Variants in HS3ST5 observed in about 807,000 individuals in gnomAD.
HS3ST5 encodes the protein heparan sulfate-glucosamine 3-sulfotransferase 5.
HS3ST5 carries 10 observed loss-of-function variants against 25.4 expected under a neutral mutation model. That is an observed-to-expected ratio of 0.39 (90% CI 0.24 to 0.67). The LOEUF (loss-of-function observed/expected upper bound fraction) is 0.67, where lower values mean the gene tolerates loss of function less well. HS3ST5 is among the 30% of genes least tolerant of loss of function. HS3ST5 has a pLI of 0.44. For missense variants in HS3ST5, 324 were observed against 420.7 expected, an observed-to-expected ratio of 0.77 and a Z score of 2.01; for synonymous variants, 170 against 162.4, an observed-to-expected ratio of 1.05 and a Z score of -0.36.
chr6:114,278,337 T>G (rs866206788), intron 1 of HS3ST5, among the ~76,000 whole-genome samples: 1 of 152,000 alleles, frequency 6.6e-6, no homozygotes, highest in African/African-American at 2.4e-5. Flanking sequence ...ATTATTAATT[T>G]TTCTGCCTTA....
chr6:114,140,117 T>C (rs1308557919), intron 3 of HS3ST5, among the ~76,000 whole-genome samples: 1 of 152,198 alleles, frequency 6.6e-6, no homozygotes, highest in African/African-American at 2.4e-5. Flanking sequence ...GATTTTCTTC[T>C]ACTTCTTTTT....
intron 1 of HS3ST5, among the ~76,000 whole-genome samples, chr6:114,246,500 A>G (rs774876639): frequency 9.2e-5 from 14 of 152,230 alleles, no homozygotes; most frequent in Non-Finnish European, 1.3e-4. Flanking sequence ...GACCTATTAC[A>G]ACTGGCTCTT....
chr6:114,207,509 C>A (rs1781322028), intron 2 of HS3ST5, among the ~76,000 whole-genome samples: 1 of 152,106 alleles, frequency 6.6e-6, no homozygotes, highest in African/African-American at 2.4e-5. Context: ...CTAGTGGATT[C>A]CCCTAAAGAC....
intron 3 of HS3ST5, among the ~76,000 whole-genome samples, chr6:114,145,098 T>G (rs2114944405): frequency 6.6e-6 from 1 of 152,316 alleles, no homozygotes; most frequent in East Asian, 1.9e-4. Context: ...CCCTTACTTC[T>G]TGGCATTTGA....
intron 3 of HS3ST5, among the ~76,000 whole-genome samples, chr6:114,103,792 G>A (rs367894787): frequency 2.4e-4 from 35 of 143,300 alleles, no homozygotes; most frequent in South Asian, 1.5e-3. Context: ...CCAGGTTCAC[G>A]CCATCCTCCT....
At chr6:114,329,265 A>G (rs1462601801) in intron 1 of HS3ST5, among the ~76,000 whole-genome samples, 2 of 152,188 alleles carry the variant, frequency 1.3e-5, no homozygotes, top group East Asian at 3.8e-4. Flanking sequence ...TTTCTCTGGG[A>G]AAATGTTTAG....
intron 2 of HS3ST5, among the ~76,000 whole-genome samples, chr6:114,222,727 G>C (rs909905676): frequency 2.0e-5 from 3 of 151,788 alleles, no homozygotes; most frequent in Admixed American, 2.0e-4. Context: ...AGATAGAATG[G>C]TTTGTGGCTG....
chr6:114,109,071 G>A (rs764274869), intron 3 of HS3ST5, among the ~76,000 whole-genome samples: 3 of 152,176 alleles, frequency 2.0e-5, no homozygotes, highest in Middle Eastern at 3.4e-3. Context: ...GCTGAGCCAG[G>A]AGGACTGCTT....
At chr6:114,253,408 A>C (rs779151772) in intron 1 of HS3ST5, among the ~76,000 whole-genome samples, 1 of 152,212 alleles carries the variant, frequency 6.6e-6, no homozygotes, top group Non-Finnish European at 1.5e-5. Flanking sequence ...GCTGTTTCCT[A>C]CTGAGTTTTG....
At position 114,074,504 on chromosome 6, in the gene HS3ST5, T is replaced by C. The variant is rs1021452613; in HGVS notation, c.-32-11627A>G. Among the ~76,000 whole-genome samples the C allele has an allele frequency of 2.0e-5, 3 of 152,178 alleles. No homozygotes were observed. The South Asian group carries it at 6.2e-4, about 32-fold the overall frequency. On this transcript the variant is annotated intron_variant, in intron 3 of 4. Coordinates refer to ENST00000312719, the MANE Select transcript of HS3ST5 (RefSeq NM_153612.4). Reference sequence around the variant, plus strand: ...AAGTGTGCAGTATGTTGCCAATAACTCTTCTAAAAAAGAAGGGGGCCTACC... The same window carrying C: ...AAGTGTGCAGTATGTTGCCAATAACCCTTCTAAAAAAGAAGGGGGCCTACC...
intron 3 of HS3ST5, among the ~76,000 whole-genome samples, chr6:114,111,080 T>A (rs1400160152): frequency 1.3e-5 from 2 of 152,194 alleles, no homozygotes; most frequent in African/African-American, 2.4e-5. Context: ...ACCTGACCTC[T>A]TATTTTTAGT....
intron 1 of HS3ST5, among the ~76,000 whole-genome samples, chr6:114,239,514 G>C (rs947641247): frequency 1.3e-5 from 2 of 152,210 alleles, no homozygotes; most frequent in African/African-American, 4.8e-5. Flanking sequence ...ACAAGGGTTA[G>C]ACCTCTGTCT....
At chr6:114,193,358 G>C (rs1780593868) in intron 2 of HS3ST5, among the ~76,000 whole-genome samples, 1 of 152,190 alleles carries the variant, frequency 6.6e-6, no homozygotes, top group Non-Finnish European at 1.5e-5. Context: ...TATTTTGAAG[G>C]ATATGTAGCA....
chr6:114,123,197 C>T (rs143713210), intron 3 of HS3ST5, among the ~76,000 whole-genome samples: 8,806 of 152,270 alleles, frequency 0.058, 312 homozygotes, highest in Non-Finnish European at 0.08. Flanking sequence ...AGGTGATCTG[C>T]CCACCTTGAC....
intron 3 of HS3ST5, among the ~76,000 whole-genome samples, chr6:114,123,402 C>T: frequency 6.6e-6 from 1 of 152,024 alleles, no homozygotes; most frequent in Non-Finnish European, 1.5e-5. Context: ...ATTTGAATGT[C>T]CAAAAGCAAT....
In HS3ST5 at chr6:114,287,374, T is replaced by C. The variant is rs943187225; in HGVS notation, c.-339+54821A>G. Among the ~76,000 whole-genome samples the C allele has an allele frequency of 4.6e-5, 7 of 152,016 alleles. No homozygotes were observed. The South Asian group carries it at 1.0e-3, about 22-fold the overall frequency. On this transcript the variant is annotated intron_variant, in intron 1 of 4. Coordinates refer to ENST00000312719, the MANE Select transcript of HS3ST5 (RefSeq NM_153612.4). ...CTTGCTTAGGGTCAAGGATCACATCTCCAGTAAGTGGAAAAACTGGGATTT... is the reference window on the plus strand; with the variant it reads ...CTTGCTTAGGGTCAAGGATCACATCCCCAGTAAGTGGAAAAACTGGGATTT...
At chr6:114,068,102 CAG>C (rs1445008017) in intron 3 of HS3ST5, among the ~76,000 whole-genome samples, 1 of 152,076 alleles carries the variant, frequency 6.6e-6, no homozygotes, top group African/African-American at 2.4e-5. Flanking sequence ...TTTTCATAAA[CAG>C]TATACGGAAT....
intron 3 of HS3ST5, among the ~76,000 whole-genome samples, chr6:114,088,179 G>T (rs1190093629): frequency 6.6e-6 from 1 of 152,058 alleles, no homozygotes; most frequent in East Asian, 1.9e-4. Context: ...TTGCATTTGT[G>T]GCTTGTATTA....
intron 2 of HS3ST5, among the ~76,000 whole-genome samples, chr6:114,205,633 G>A (rs1371690424): frequency 6.6e-6 from 1 of 152,164 alleles, no homozygotes; most frequent in African/African-American, 2.4e-5. Context: ...GGGGCTGAAA[G>A]GGTTAACTCT....
Sources: gnomAD v4.1 joint callset for allele counts (sites outside exome capture counted in the v4.1 genomes callset) on GRCh38, gnomAD v4.1.1 for gene constraint, MANE v1.5 for transcripts, NCBI Gene and HGNC (gene_info 2026-07-23, HGNC 2026-07-21) for gene names.